The following FOXN1 variants were observed in gnomAD, a reference collection of about 807,000 sequenced individuals.
FOXN1 encodes forkhead box N1.
Under a neutral mutation model 49.0 loss-of-function variants are expected in FOXN1, and 15 were observed. That is an observed-to-expected ratio of 0.31 (90% CI 0.20 to 0.47). FOXN1 has a LOEUF of 0.47. FOXN1 is among the 20% of genes least tolerant of loss of function. FOXN1 has a pLI of 1.00. For synonymous variants in FOXN1, 356 were observed against 369.0 expected (o/e 0.96, Z 0.40); for missense variants, 800 against 842.8 (o/e 0.95, Z 0.63).
At chr17:28,518,985 T>G (rs2069585435) in intron 1 of FOXN1, among the ~76,000 whole-genome samples, 1 of 152,240 alleles carries the variant, frequency 6.6e-6, no homozygotes, top group South Asian at 2.1e-4. Context: ...AGGCTCTGAT[T>G]TGTAGGATTT....
intron 1 of FOXN1, among the ~76,000 whole-genome samples, chr17:28,517,496 A>C (rs1253506288): frequency 3.3e-3 from 245 of 74,804 alleles, no homozygotes; most frequent in Admixed American, 4.2e-3. Flanking sequence ...AGGGTACTCA[A>C]CTCCACAGGG....
chr17:28,510,075 G>A (rs2069356408), intron 1 of FOXN1, among the ~76,000 whole-genome samples: 1 of 152,046 alleles, frequency 6.6e-6, no homozygotes, highest in Non-Finnish European at 1.5e-5. Flanking sequence ...AAGCTTCCAG[G>A]GGTAGGCAAC....
At chr17:28,515,259 G>A (rs2069470965) in intron 1 of FOXN1, among the ~76,000 whole-genome samples, 2 of 151,416 alleles carry the variant, frequency 1.3e-5, no homozygotes, top group South Asian at 4.2e-4. Context: ...ACACCTCTAT[G>A]AGGTACACAC....
chr17:28,533,047 G>A (rs1008681719), intron 6 of FOXN1, among the ~76,000 whole-genome samples: 1 of 152,180 alleles, frequency 6.6e-6, no homozygotes, highest in Non-Finnish European at 1.5e-5. Context: ...ACCTGCCCCA[G>A]GCCAGCTGCC....
chr17:28,508,654 A>T (rs7406279), intron 1 of FOXN1, among the ~76,000 whole-genome samples: 37,552 of 152,050 alleles, frequency 0.25, 5,797 homozygotes, highest in African/African-American at 0.42. Context: ...CTAAGTCACA[A>T]TGAAATGCCC....
At position 28,537,719 on chromosome 17, in the gene FOXN1, A is replaced by G; in HGVS notation, c.*283A>G. 1.8e-6 allele frequency: 1 copy of G among 555,698 alleles called. No individual in the cohort carries two copies. The highest frequency in any genetic ancestry group is 3.3e-6 in the Non-Finnish European group (1 of 307,170). 34.4% of individuals were successfully genotyped at this position (555,698 alleles called of 1,614,324 possible). On this transcript the variant is annotated 3_prime_UTR_variant, in exon 9 of 9. Transcript: ENST00000579795. Reference sequence around the variant, plus strand: ...AATGCCCTGTCCCTAGCTCACACTCATCCACACTTAAGCCCTCGTGCACAC... The same window carrying G: ...AATGCCCTGTCCCTAGCTCACACTCGTCCACACTTAAGCCCTCGTGCACAC...
chr17:28,526,061 T>C lies in FOXN1; in HGVS notation c.588+1094T>C, dbSNP rs1196710211. Among the ~76,000 whole-genome samples, 3 of 152,298 alleles carry C rather than the reference T, an allele frequency of 2.0e-5. No homozygotes were observed. In the East Asian group the frequency reaches 5.8e-4, roughly 29 times the overall value. On this transcript the variant is annotated intron_variant, in intron 3 of 8. Coordinates refer to ENST00000579795, the MANE Select transcript of FOXN1 (RefSeq NM_001369369.1). ...TTGCAGATGAGGAAACTGAGGCTCATAGAGGCCAAGTGACTTGCCCAGGGT... is the reference window on the plus strand; with the variant it reads ...TTGCAGATGAGGAAACTGAGGCTCACAGAGGCCAAGTGACTTGCCCAGGGT...
chr17:28,527,391 C>T (rs2069797370), intron 4 of FOXN1, 30 bp downstream of exon 4: 1 of 1,295,284 alleles, frequency 7.7e-7, no homozygotes, highest in African/African-American at 1.5e-5. Context: ...GCCTGCTTCC[C>T]CCAGGTCTGA....
Position 28,537,222 on chromosome 17 carries a change from C to T in FOXN1, c.1733C>T (p.Pro578Leu). The T allele has an allele frequency of 6.2e-7, 1 of 1,613,994 alleles. No individual in the cohort carries two copies. The highest frequency in any genetic ancestry group is 8.5e-7 in the Non-Finnish European group (1 of 1,179,860). Residue 578 changes from proline to leucine, a missense_variant, in exon 9 of 9, where the codon CCT (proline) becomes CTT (leucine). By Grantham distance (98) the Pro-to-Leu change is moderately conservative. Around this residue, in one of 3 missense-constraint regions of FOXN1, gnomAD observed 344 missense variants for 366.1 expected, o/e 0.94. Coordinates refer to ENST00000579795, the MANE Select transcript of FOXN1 (RefSeq NM_001369369.1). The stretch of plus-strand genomic sequence containing the variant: ...TCGATGCCACCACCCCAGCCACCAC[C>T]TCACTGCTTCCCCCCTGGGCCCTGT... The part of the protein sequence containing the change: ...SSSMPPPQPP[P>L]HCFPPGPCLT...
chr17:28,509,404 C>A (rs1251336111), intron 1 of FOXN1, among the ~76,000 whole-genome samples: 2 of 152,070 alleles, frequency 1.3e-5, no homozygotes, highest in Non-Finnish European at 2.9e-5. Context: ...CCACCTCCAA[C>A]CACACTCCTA....
intron 1 of FOXN1, among the ~76,000 whole-genome samples, chr17:28,517,851 CACCTCCACAGGATCCAT>C (rs2069556737): frequency 7.0e-6 from 1 of 143,154 alleles, no homozygotes; most frequent in Admixed American, 6.8e-5. Context: ...ACAGGATACA[CACCTCCACAGGATCCAT>C]ACCTCCACAG....
In FOXN1 at chr17:28,527,309, A is replaced by G; in HGVS notation, c.647A>G (p.Tyr216Cys). 6.2e-7 allele frequency: 1 copy of G among 1,613,996 alleles called. No individual in the cohort carries two copies. The highest frequency in any genetic ancestry group is 8.5e-7 in the Non-Finnish European group (1 of 1,179,920). Residue 216 changes from tyrosine (Y) to cysteine (C), a missense_variant, in exon 4 of 9, where the codon TAC becomes TGC. Physicochemically the swap from Tyr to Cys is radical, Grantham distance 194. Around this residue, in one of 3 missense-constraint regions of FOXN1, gnomAD observed 383 missense variants for 357.9 expected, o/e 1.07. Coordinates refer to ENST00000579795, the MANE Select transcript of FOXN1 (RefSeq NM_001369369.1). Reference protein sequence around the residue: ...VLESGAGMFCYQPPLQHMYCS... With the variant: ...VLESGAGMFCCQPPLQHMYCS... ...GAGAGTGGTGCTGGGATGTTCTGCT[A>G]CCAGCCTCCCTTGCAGCATATGTAC...
At chr17:28,517,616 C>A (rs1412175914) in intron 1 of FOXN1, among the ~76,000 whole-genome samples, 1 of 126,758 alleles carries the variant, frequency 7.9e-6, no homozygotes, top group African/African-American at 3.2e-5. Flanking sequence ...GGATCCATAC[C>A]TCCACAGGGT....
Position 28,537,315 on chromosome 17 carries a change from G to C in FOXN1, c.1826G>C (p.Gly609Ala), listed in dbSNP as rs2070095295. The part of the protein sequence containing the change: ...APGSGGSGAL[G>A]DLHLTTLYSA... Reference sequence around the variant, plus strand: ...GGCAGTGGTGGCTCCGGGGCACTGGGTGACCTGCACCTCACCACCCTCTAC... The same window carrying C: ...GGCAGTGGTGGCTCCGGGGCACTGGCTGACCTGCACCTCACCACCCTCTAC... Residue 609 changes from glycine to alanine, a missense_variant, in exon 9 of 9, where the codon GGT (glycine) becomes GCT (alanine). Coordinates refer to ENST00000579795, the MANE Select transcript of FOXN1 (RefSeq NM_001369369.1). 6.2e-7 allele frequency: 1 copy of C among 1,613,660 alleles called. No homozygotes were observed. Among genetic ancestry groups the C allele is most frequent in the South Asian group, 1.1e-5 (1 of 91,080 alleles).
Position 28,537,814 on chromosome 17 carries a change from G to C in FOXN1, c.*378G>C, listed in dbSNP as rs2070108848. ...AGAGGAACCAGCACTCCATCACTGA[G>C]AGCCCGACTTCGTTTCTGGGGCAAC... On this transcript the variant is annotated 3_prime_UTR_variant, in exon 9 of 9. Coordinates refer to ENST00000579795, the MANE Select transcript of FOXN1 (RefSeq NM_001369369.1). 1 of 344,918 alleles carries C rather than the reference G, an allele frequency of 2.9e-6. No individual in the cohort carries two copies. Among genetic ancestry groups the C allele is most frequent in the Admixed American group, 4.0e-5 (1 of 24,760 alleles). 21.4% of individuals were successfully genotyped at this position (344,918 alleles called of 1,614,324 possible).
At chr17:28,516,493 C>T (rs978688576) in intron 1 of FOXN1, among the ~76,000 whole-genome samples, 7 of 151,492 alleles carry the variant, frequency 4.6e-5, no homozygotes, top group African/African-American at 1.5e-4. Context: ...TACACACCTC[C>T]ACAGGATCCA....
At position 28,537,387 on chromosome 17, in the gene FOXN1, G is replaced by A; in HGVS notation, c.1898G>A (p.Gly633Asp). 6.2e-7 allele frequency: 1 copy of A among 1,613,164 alleles called. No homozygotes were observed. Among genetic ancestry groups the A allele is most frequent in the Non-Finnish European group, 8.5e-7 (1 of 1,179,732 alleles). The part of the protein sequence containing the change: ...LEPTPPTAPA[G>D]PSVYLSPSSK... ...CCCACGCCCCCCACGGCCCCTGCAG[G>A]CCCCTCTGTGTACCTCAGCCCCAGC... The change falls in exon 9 of 9, where the codon GGC becomes GAC. Residue 633 changes from glycine to aspartate, a missense_variant. This residue lies in a region of FOXN1 where 344 missense variants were observed against 366.1 expected (regional missense o/e 0.94). Transcript: ENST00000579795.
rs549464342 is a variant in FOXN1 at position 28,506,457 on chromosome 17, C to T, written c.-15+14C>T. 571 of 152,370 alleles carry T rather than the reference C, an allele frequency of 3.7e-3. 3 individuals are homozygous for T. The highest frequency in any genetic ancestry group is 6.1e-3 in the Admixed American group (94 of 15,312). 9.4% of individuals were successfully genotyped at this position (152,370 alleles called of 1,614,324 possible). ...TTCACTGAGCAGGTAAGAGGAGCCC[C>T]GGCCCAAGTCAGCCGTGGAGGCCAG... On this transcript the variant is annotated intron_variant, in intron 1 of 8. Transcript: ENST00000579795.
intron 1 of FOXN1, among the ~76,000 whole-genome samples, chr17:28,515,758 A>C (rs1219462558): frequency 6.7e-6 from 1 of 149,866 alleles, no homozygotes; most frequent in African/African-American, 2.5e-5. Flanking sequence ...CTTTCACAGG[A>C]GTACACCCCT....
Sources: gnomAD v4.1 joint callset for allele counts (sites outside exome capture counted in the v4.1 genomes callset) on GRCh38, gnomAD v4.1.1 for gene constraint, gnomAD v4.1.1 regional missense constraint, MANE v1.5 for transcripts, NCBI Gene and HGNC (gene_info 2026-07-23, HGNC 2026-07-21) for gene names.